The following VIPR2 variants were observed in gnomAD, a reference collection of about 807,000 sequenced individuals.
VIPR2 encodes the protein vasoactive intestinal peptide receptor 2.
In VIPR2, 48 loss-of-function variants were observed where a neutral mutation model predicts 58.0. That is an observed-to-expected ratio of 0.83 (90% CI 0.66 to 1.05). The LOEUF (loss-of-function observed/expected upper bound fraction) is 1.05. Ranked by LOEUF, VIPR2 falls within the 50% of genes least tolerant of loss-of-function variation. The pLI, the probability that VIPR2 is intolerant of heterozygous loss-of-function variation, is 0.00. For missense variants in VIPR2, 534 were observed against 558.0 expected (o/e 0.96, Z 0.43); for synonymous variants, 243 against 235.2 (o/e 1.03, Z -0.30).
intron 3 of VIPR2, among the ~76,000 whole-genome samples, chr7:159,104,538 TCCCAGCAATGCCCTCCCTCCTC>T (rs1858519291): frequency 7.6e-6 from 1 of 130,976 alleles, no homozygotes; most frequent in Non-Finnish European, 1.6e-5. Flanking sequence ...CCCTCCCTCC[TCCCAGCAATGCCCTCCCTCCTC>T]CCAGCCAGGC....
chr7:159,140,610 G>A (rs558256454), intron 2 of VIPR2, among the ~76,000 whole-genome samples: 1 of 152,354 alleles, frequency 6.6e-6, no homozygotes, highest in South Asian at 2.1e-4. Flanking sequence ...CCTTCAATAT[G>A]AGATGTCCAG....
chr7:159,038,043 T>C (rs1220829305), intron 6 of VIPR2, among the ~76,000 whole-genome samples: 1 of 152,178 alleles, frequency 6.6e-6, no homozygotes, highest in African/African-American at 2.4e-5. Flanking sequence ...CGGGTGAATA[T>C]ACTTTTTTAT....
At chr7:159,071,217 G>T (rs1168287775) in intron 4 of VIPR2, among the ~76,000 whole-genome samples, 1 of 152,194 alleles carries the variant, frequency 6.6e-6, no homozygotes, top group African/African-American at 2.4e-5. Context: ...TCACTGTGAG[G>T]TGAAGTTTAT....
chr7:159,034,696 C>A, intron 8 of VIPR2, 46 bp from the exon 9 acceptor site: 1 of 1,563,612 alleles, frequency 6.4e-7, no homozygotes. Context: ...ACCACTTTCG[C>A]AAGACAGGTA....
intron 4 of VIPR2, among the ~76,000 whole-genome samples, chr7:159,086,057 C>T (rs1230537642): frequency 6.6e-6 from 1 of 152,196 alleles, no homozygotes; most frequent in Non-Finnish European, 1.5e-5. Flanking sequence ...GTAACAAGTG[C>T]ACCACATTAA....
Position 159,096,143 on chromosome 7 carries a change from G to A in VIPR2, c.357+7614C>T, listed in dbSNP as rs1005435848. 6.6e-6 allele frequency among the ~76,000 whole-genome samples: 1 copy of A among 152,162 alleles called. No individual in the cohort carries two copies. Among genetic ancestry groups the A allele is most frequent in the Non-Finnish European group, 1.5e-5 (1 of 68,018 alleles). Reference sequence around the variant, plus strand: ...CCTTAAGGGGAGCAGCAGGGAGGCTGGACCCTTCCCCAGAGCACAATGCCG... The same window carrying A: ...CCTTAAGGGGAGCAGCAGGGAGGCTAGACCCTTCCCCAGAGCACAATGCCG... On this transcript the variant is annotated intron_variant, in intron 4 of 12. Coordinates refer to ENST00000262178, the MANE Select transcript of VIPR2 (RefSeq NM_003382.5). The surrounding 1 kb of genome is among the most constrained non-coding windows in gnomAD (Gnocchi z 5.5).
At chr7:159,138,289 G>A (rs1325783313) in intron 2 of VIPR2, among the ~76,000 whole-genome samples, 27 of 152,184 alleles carry the variant, frequency 1.8e-4, no homozygotes, top group Admixed American at 1.8e-3. Context: ...AGCAAGAAGG[G>A]GTTAGGTGTA....
rs560242937 is a variant in VIPR2 at position 159,095,525 on chromosome 7, T to G, written c.357+8232A>C. ...GTTCAAAGGCAAAGCACGTATAAATTTAAGTGGTTTTTTTAGTACTTAAAA... is the reference window on the plus strand; with the variant it reads ...GTTCAAAGGCAAAGCACGTATAAATGTAAGTGGTTTTTTTAGTACTTAAAA... On this transcript the variant is annotated intron_variant, in intron 4 of 12. Coordinates refer to ENST00000262178, the MANE Select transcript of VIPR2 (RefSeq NM_003382.5). This position sits in a 1 kb window ranked among gnomAD's most constrained non-coding sequence, Gnocchi z 5.2. Among the ~76,000 whole-genome samples, 3 of 152,360 alleles carry G rather than the reference T, an allele frequency of 2.0e-5. No homozygotes were observed. In the South Asian group the frequency reaches 6.2e-4, roughly 32 times the overall value.
rs372157982 is a variant in VIPR2 at position 159,047,091 on chromosome 7, C to T, written c.456-3915G>A. 3.0e-3 allele frequency among the ~76,000 whole-genome samples: 449 copies of T among 152,128 alleles called. 1 individual carries two copies. Among genetic ancestry groups the T allele is most frequent in the Non-Finnish European group, 4.8e-3 (328 of 68,000 alleles). On this transcript the variant is annotated intron_variant, in intron 5 of 12. Transcript: ENST00000262178. Reference sequence around the variant, plus strand: ...CTCTACTAAAAATACAAAAATTAGCCGGGCTTGGTGGTGGGTGCCTGTAAT... The same window carrying T: ...CTCTACTAAAAATACAAAAATTAGCTGGGCTTGGTGGTGGGTGCCTGTAAT...
In VIPR2 at chr7:159,095,551, T is replaced by A. The variant is rs1333190909; in HGVS notation, c.357+8206A>T. Reference sequence around the variant, plus strand: ...TAAGTGGTTTTTTTAGTACTTAAAATTTGATTTTTGTAAATATAAAACCAA... The same window carrying A: ...TAAGTGGTTTTTTTAGTACTTAAAAATTGATTTTTGTAAATATAAAACCAA... On this transcript the variant is annotated intron_variant, in intron 4 of 12. Transcript: ENST00000262178. This position sits in a 1 kb window ranked among gnomAD's most constrained non-coding sequence, Gnocchi z 5.2. 6.6e-6 allele frequency among the ~76,000 whole-genome samples: 1 copy of A among 152,248 alleles called. No individual in the cohort carries two copies. Among genetic ancestry groups the A allele is most frequent in the East Asian group, 1.9e-4 (1 of 5,200 alleles).
rs562884732 is a variant in VIPR2 at position 159,056,601 on chromosome 7, A to G, written c.455+1880T>C. 3.3e-5 allele frequency among the ~76,000 whole-genome samples: 5 copies of G among 152,248 alleles called. No homozygotes were observed. In the East Asian group the frequency reaches 9.7e-4, roughly 29 times the overall value. Reference sequence around the variant, plus strand: ...TATTTGTTGTGAGCGTCAACACTGCACACTTTGGGATGTGTTCTAAGAAGT... The same window carrying G: ...TATTTGTTGTGAGCGTCAACACTGCGCACTTTGGGATGTGTTCTAAGAAGT... On this transcript the variant is annotated intron_variant, in intron 5 of 12. Transcript: ENST00000262178.
Position 159,031,959 on chromosome 7 carries a change from C to T in VIPR2, c.1080G>A (p.Glu360=), listed in dbSNP as rs1383598492. 1.2e-6 allele frequency: 2 copies of T among 1,614,190 alleles called. No individual in the cohort carries two copies. Among genetic ancestry groups the T allele is most frequent in the Non-Finnish European group, 1.7e-6 (2 of 1,180,046 alleles). ...CTACCTGGAACGACCCGAGGCACAG[C>T]TCAAACAGTATCTGGTATTTGGAGG... is the stretch of plus-strand genomic sequence containing the variant. ...SISSKYQILF[E]LCLGSFQGLV... Residue 360 remains glutamate (E), a synonymous_variant, in exon 11 of 13, where the codon GAG becomes GAA. Coordinates refer to ENST00000262178, the MANE Select transcript of VIPR2 (RefSeq NM_003382.5). This position sits in a 1 kb window ranked among gnomAD's most constrained non-coding sequence, Gnocchi z 4.0.
At chr7:159,044,277 G>A (rs1448891175) in intron 5 of VIPR2, among the ~76,000 whole-genome samples, 2 of 151,994 alleles carry the variant, frequency 1.3e-5, no homozygotes, top group South Asian at 2.1e-4. Context: ...TAAAGACCAA[G>A]AGTCTTTATA....
At chr7:159,032,145 G>C in intron 10 of VIPR2, 78 bp from the exon 11 acceptor site, 14 of 1,572,030 alleles carry the variant, frequency 8.9e-6, no homozygotes, top group Middle Eastern at 1.8e-4. Context: ...CTTCTCAGGA[G>C]GGGGCAGCTG....
chr7:159,043,098 G>A lies in VIPR2; in HGVS notation c.534C>T (p.Val178=). The A allele has an allele frequency of 1.9e-6, 3 of 1,614,154 alleles. No individual in the cohort carries two copies. Among genetic ancestry groups the A allele is most frequent in the Non-Finnish European group, 2.5e-6 (3 of 1,180,044 alleles). ...SFILRAISVL[V]KDDVLYSSSG... ...AGCTGGAGTAGAGAACGTCGTCCTT[G>A]ACCAGCACTGAGATGGCTCTCAGGA... Residue 178 remains valine (V), a synonymous_variant, in exon 6 of 13, where the codon GTC becomes GTT. Coordinates refer to ENST00000262178, the MANE Select transcript of VIPR2 (RefSeq NM_003382.5).
At chr7:159,100,492 C>G (rs72505599) in intron 4 of VIPR2, among the ~76,000 whole-genome samples, 2,106 of 152,012 alleles carry the variant, frequency 0.014, 31 homozygotes, top group Admixed American at 0.034. Flanking sequence ...CCAGCCAGCA[C>G]CACCTTATCT....
chr7:159,053,242 C>T (rs1003452938), intron 5 of VIPR2, among the ~76,000 whole-genome samples: 9 of 151,838 alleles, frequency 5.9e-5, no homozygotes, highest in Admixed American at 2.0e-4. Context: ...AGCTACTGTA[C>T]CTGGCCTTTG....
chr7:159,063,449 G>A (rs936328535), intron 4 of VIPR2, among the ~76,000 whole-genome samples: 4 of 151,962 alleles, frequency 2.6e-5, no homozygotes, highest in African/African-American at 9.7e-5. Flanking sequence ...GGCCTACCGA[G>A]CCCACGAACT....
At chr7:159,133,909 T>C (rs1797092595) in intron 2 of VIPR2, among the ~76,000 whole-genome samples, 1 of 152,232 alleles carries the variant, frequency 6.6e-6, no homozygotes, top group South Asian at 2.1e-4. Context: ...CTAGCTGAGC[T>C]AGTCAAATAA....
Sources: allele counts gnomAD v4.1 joint callset (sites outside exome capture counted in the v4.1 genomes callset), GRCh38; gene constraint gnomAD v4.1.1; non-coding constraint Gnocchi (gnomAD v3.1); transcripts MANE v1.5; gene names NCBI Gene and HGNC (gene_info 2026-07-23, HGNC 2026-07-21).